Variants in TUBD1 observed in about 807,000 individuals in gnomAD.
TUBD1 encodes the protein tubulin delta 1.
In TUBD1, 38 loss-of-function variants were observed where a neutral mutation model predicts 51.2. That is an observed-to-expected ratio of 0.74 (90% CI 0.57 to 0.97). The LOEUF is 0.97. TUBD1 is among the 50% of genes least tolerant of loss of function. The pLI, the probability that TUBD1 is intolerant of heterozygous loss-of-function variation, is 0.00. For missense variants in TUBD1, 489 were observed against 538.4 expected, an observed-to-expected ratio of 0.91 and a Z score of 0.91; for synonymous variants, 169 against 178.2, an observed-to-expected ratio of 0.95 and a Z score of 0.41.
At chr17:59,875,073 CTTTT>C (rs10679203) in intron 5 of TUBD1, among the ~76,000 whole-genome samples, 4 of 87,266 alleles carry the variant, frequency 4.6e-5, no homozygotes, top group Non-Finnish European at 8.6e-5. Flanking sequence ...TTGTTATATT[CTTTT>C]TTTTTTTTTT....
At chr17:59,880,773 CA>C (rs2040449767) in intron 4 of TUBD1, 120 bp downstream of exon 4, 1 of 926,416 alleles carries the variant, frequency 1.1e-6, no homozygotes, top group Non-Finnish European at 1.7e-6. Context: ...CTTGGCCTCC[CA>C]AAGTGCTGGG....
chr17:59,870,932 G>A (rs990018637), intron 6 of TUBD1, among the ~76,000 whole-genome samples: 1 of 152,148 alleles, frequency 6.6e-6, no homozygotes, highest in Non-Finnish European at 1.5e-5. Flanking sequence ...ATTAAATAAA[G>A]CTTACCTTCT....
At chr17:59,871,494 G>A (rs750497030) in intron 6 of TUBD1, among the ~76,000 whole-genome samples, 7 of 152,086 alleles carry the variant, frequency 4.6e-5, no homozygotes, top group South Asian at 2.1e-4. Context: ...CACTGCACCC[G>A]GCCAGAATGA....
intron 5 of TUBD1, among the ~76,000 whole-genome samples, chr17:59,875,073 C>CTTTTTTTTTT (rs10679203): frequency 1.1e-5 from 1 of 87,290 alleles, no homozygotes; most frequent in Non-Finnish European, 2.2e-5. Context: ...TTGTTATATT[C>CTTTTTTTTTT]TTTTTTTTTT....
chr17:59,874,540 T>G lies in TUBD1; in HGVS notation c.933A>C (p.Glu311Asp), dbSNP rs1315529103. 8.7e-6 allele frequency: 14 copies of G among 1,610,722 alleles called. No individual in the cohort carries two copies. The highest frequency in any genetic ancestry group is 1.2e-5 in the Non-Finnish European group (14 of 1,179,364). The change falls in exon 6 of 9, where the codon GAA becomes GAC. Residue 311 changes from glutamate (E) to aspartate (D), a missense_variant and splice_region_variant. Transcript: ENST00000325752. Reference protein sequence around the residue: ...QMLISNAKMEEGIDRHVWPPL... With the variant: ...QMLISNAKMEDGIDRHVWPPL... ...GCATATTTTTGGACTACTCTTTACC[T>G]TCTTCCATCTTTGCATTAGAAATGA...
intron 3 of TUBD1, chr17:59,885,432 G>A (rs764100458): frequency 7.7e-7 from 1 of 1,297,146 alleles, no homozygotes; most frequent in Non-Finnish European, 1.1e-6. Context: ...TGTTCTGGGT[G>A]GGGGATATGT....
rs113109428 is a variant in TUBD1, at chr17:59,884,078, T to C, written c.320+2005A>G. Among the ~76,000 whole-genome samples, 1,227 of 151,604 alleles carry C rather than the reference T, an allele frequency of 8.1e-3. 21 individuals carry two copies. Among genetic ancestry groups the C allele is most frequent in the East Asian group, 0.043 (220 of 5,092 alleles). ...GAGTTTGAGAGCAGCCTGGCCAACA[T>C]AGGGAAATCCAGTATCTACTAAAAA... On this transcript the variant is annotated intron_variant, in intron 3 of 8. Transcript: ENST00000325752.
chr17:59,873,257 GTTTT>G lies in TUBD1; in HGVS notation c.934+1278_934+1281del, dbSNP rs373205709. ...ATTACTTAAGTTGTTTTTTGTTGTT[GTTTT>G]TTTTTTGAGAAAGGGTCTCACTCTG... On this transcript the variant is annotated intron_variant, in intron 6 of 8. Coordinates refer to ENST00000325752, the MANE Select transcript of TUBD1 (RefSeq NM_016261.4). Among the ~76,000 whole-genome samples, 12 of 147,144 alleles carry G rather than the reference GTTTT, an allele frequency of 8.2e-5. No homozygotes were observed. The East Asian group carries it at 2.0e-3, about 24-fold the overall frequency.
intron 3 of TUBD1, among the ~76,000 whole-genome samples, chr17:59,883,724 A>G (rs2040590560): frequency 6.6e-6 from 1 of 151,384 alleles, no homozygotes; most frequent in Admixed American, 6.6e-5. Context: ...TTTCTTTTTA[A>G]AATTTTTTCG....
intron 2 of TUBD1, among the ~76,000 whole-genome samples, chr17:59,889,010 C>CTTTTTTTT (rs756097623): frequency 5.4e-5 from 3 of 55,796 alleles, no homozygotes; most frequent in Admixed American, 2.8e-4. Flanking sequence ...CCATGCCTGG[C>CTTTTTTTT]TTTTTTTTTT....
intron 6 of TUBD1, among the ~76,000 whole-genome samples, chr17:59,870,053 C>A (rs772353125): frequency 6.6e-5 from 10 of 151,874 alleles, no homozygotes; most frequent in Non-Finnish European, 1.2e-4. Flanking sequence ...TGGAAGTAGA[C>A]CAGACACTTT....
intron 3 of TUBD1, among the ~76,000 whole-genome samples, chr17:59,882,747 T>C (rs1194289180): frequency 3.3e-5 from 5 of 151,978 alleles, no homozygotes; most frequent in Admixed American, 3.3e-4. Context: ...CCCAAGTATC[T>C]AGAACTACAA....
intron 2 of TUBD1, among the ~76,000 whole-genome samples, chr17:59,887,199 CAAACAAA>C (rs1051871048): frequency 2.6e-5 from 4 of 151,648 alleles, no homozygotes; most frequent in African/African-American, 9.7e-5. Context: ...AACAAACAAA[CAAACAAA>C]AAACAAAAAT....
chr17:59,886,971 G>A (rs936596675), intron 2 of TUBD1, among the ~76,000 whole-genome samples: 1 of 152,014 alleles, frequency 6.6e-6, no homozygotes, highest in Non-Finnish European at 1.5e-5. Context: ...GATCATCTGA[G>A]GTCAGGAGTT....
At chr17:59,873,227 C>T (rs1283693305) in intron 6 of TUBD1, among the ~76,000 whole-genome samples, 1 of 147,626 alleles carries the variant, frequency 6.8e-6, no homozygotes, top group Non-Finnish European at 1.5e-5. Flanking sequence ...AAATTCATAC[C>T]AGACATTACT....
chr17:59,881,213 CG>C, intron 3 of TUBD1, 103 bp from the exon 4 acceptor site: 1 of 968,854 alleles, frequency 1.0e-6, no homozygotes, highest in Non-Finnish European at 1.6e-6. Context: ...TTCAAAACTA[CG>C]GAAGTGAAGG....
intron 5 of TUBD1, among the ~76,000 whole-genome samples, chr17:59,875,296 C>G (rs1000389605): frequency 6.6e-6 from 1 of 151,142 alleles, no homozygotes; most frequent in Non-Finnish European, 1.5e-5. Flanking sequence ...AGGATGGTCT[C>G]GATCCCCTGA....
At chr17:59,867,398 C>G (rs1286537005) in intron 6 of TUBD1, among the ~76,000 whole-genome samples, 1 of 152,114 alleles carries the variant, frequency 6.6e-6, no homozygotes, top group Non-Finnish European at 1.5e-5. Context: ...AAAAATTGTA[C>G]TCAAAGGGCT....
intron 8 of TUBD1, among the ~76,000 whole-genome samples, chr17:59,863,276 A>T (rs2039543543): frequency 6.6e-6 from 1 of 152,164 alleles, no homozygotes; most frequent in South Asian, 2.1e-4. Context: ...TGCTTCCTGC[A>T]GATCGGACCT....
Sources: allele counts gnomAD v4.1 joint callset (sites outside exome capture counted in the v4.1 genomes callset), GRCh38; gene constraint gnomAD v4.1.1; transcripts MANE v1.5; gene names NCBI Gene and HGNC (gene_info 2026-07-23, HGNC 2026-07-21).